The following URB1 variants were observed in gnomAD, a reference collection of about 807,000 sequenced individuals.
The protein encoded by URB1 is nucleolar pre-ribosomal-associated protein 1.
Under a neutral mutation model 242.3 loss-of-function variants are expected in URB1, and 197 were observed. The ratio of observed to expected loss-of-function variants is 0.81; its 90% CI spans 0.72 to 0.91. The LOEUF (loss-of-function observed/expected upper bound fraction) is 0.91, where lower values mean the gene tolerates loss of function less well. Ranked by LOEUF, URB1 falls within the 40% of genes least tolerant of loss-of-function variation. The pLI is 0.00. For missense variants in URB1, 2,721 were observed against 2,860.5 expected (o/e 0.95, Z 1.11); for synonymous variants, 1,153 against 1,201.8 (o/e 0.96, Z 0.84).
At chr21:32,364,636 C>T (rs2033325394) in intron 10 of URB1, among the ~76,000 whole-genome samples, 1 of 152,254 alleles carries the variant, frequency 6.6e-6, no homozygotes, top group African/African-American at 2.4e-5. Context: ...GTGCACACCA[C>T]ACCCAAGGGG....
chr21:32,356,244 C>T (rs1040696032), intron 15 of URB1, among the ~76,000 whole-genome samples: 5 of 152,026 alleles, frequency 3.3e-5, no homozygotes, highest in African/African-American at 1.2e-4. Context: ...AAAAAGTAGC[C>T]GGGTTAGTGG....
rs1311045074 is a variant in URB1, at chr21:32,341,359, G to A, written c.4316+107C>T. 3 of 1,116,338 alleles carry A rather than the reference G, an allele frequency of 2.7e-6. No homozygotes were observed. In the African/African-American group the frequency reaches 4.7e-5, roughly 18 times the overall value. 69.2% of individuals were successfully genotyped at this position (1,116,338 alleles called of 1,614,324 possible). On this transcript the variant is annotated intron_variant, in intron 25 of 38. Transcript: ENST00000382751. ...TATCTCTAAAAACGAGGTGACATCG[G>A]CTCCACCACGTGGATTATGCTAATA... is the stretch of plus-strand genomic sequence containing the variant.
Position 32,344,605 on chromosome 21 carries a change from C to A in URB1, c.4222G>T (p.Glu1408Ter). The A allele has an allele frequency of 6.4e-7, 1 of 1,552,340 alleles. No homozygotes were observed. Among genetic ancestry groups the A allele is most frequent in the Non-Finnish European group, 8.7e-7 (1 of 1,147,152 alleles). Residue 1408 changes from glutamate (E) to a stop codon, truncating the protein, a stop_gained, in exon 24 of 39, where the codon GAG becomes TAG. Transcript: ENST00000382751. LOFTEE classifies it high-confidence loss of function. Reference sequence around the variant, plus strand: ...TTTAATCTAAGCAGCATTTCCTTCTCCTGATTCTGAGTATTATCATCATCT... The same window carrying A: ...TTTAATCTAAGCAGCATTTCCTTCTACTGATTCTGAGTATTATCATCATCT... ...QQDDDNTQNQ[E>*]KEMLLRLNAL...
At chr21:32,375,319 C>G in intron 6 of URB1, 79 bp downstream of exon 6, 1 of 886,610 alleles carries the variant, frequency 1.1e-6, no homozygotes, top group East Asian at 2.9e-5. Flanking sequence ...TGTAGCTCTA[C>G]AGTCCTGTAA....
intron 18 of URB1, among the ~76,000 whole-genome samples, chr21:32,353,286 A>T (rs1355516109): frequency 2.6e-5 from 4 of 152,144 alleles, no homozygotes. Context: ...CCAGGCCATA[A>T]CACCCCTTGC....
chr21:32,392,996 A>G lies in URB1; in HGVS notation c.-86T>C. 1 of 1,396,900 alleles carries G rather than the reference A, an allele frequency of 7.2e-7. No individual in the cohort carries two copies. 86.5% of individuals were successfully genotyped at this position (1,396,900 alleles called of 1,614,324 possible). On this transcript the variant is annotated 5_prime_UTR_variant, in exon 1 of 39. It removes the in-frame stop codon of an upstream open reading frame in the 5' UTR. Coordinates refer to ENST00000382751, the MANE Select transcript of URB1 (RefSeq NM_014825.3). The stretch of plus-strand genomic sequence containing the variant: ...GGCACAGACAGCAGACACGCGCTTC[A>G]GGCCCACATGGCGCAGGAAGAGGCG...
intron 30 of URB1, among the ~76,000 whole-genome samples, chr21:32,327,840 C>T (rs1431784517): frequency 6.6e-6 from 1 of 152,154 alleles, no homozygotes; most frequent in Non-Finnish European, 1.5e-5. Flanking sequence ...ACTATAAACC[C>T]TAAAGCAACC....
intron 22 of URB1, among the ~76,000 whole-genome samples, chr21:32,346,404 A>G (rs1343806505): frequency 2.0e-5 from 3 of 152,364 alleles, no homozygotes; most frequent in Admixed American, 6.5e-5. Context: ...TCTGTCATCA[A>G]TGATAGGAAG....
intron 26 of URB1, 79 bp from the exon 27 acceptor site, chr21:32,337,593 G>T: frequency 1.6e-6 from 2 of 1,224,284 alleles, no homozygotes; most frequent in African/African-American, 1.5e-5. Context: ...AGCCTTCCAG[G>T]CAACATTGAA....
At chr21:32,337,065 G>A (rs2032967682) in intron 28 of URB1, 29 bp downstream of exon 28, 1 of 1,548,688 alleles carries the variant, frequency 6.5e-7, no homozygotes, top group African/African-American at 1.4e-5. Context: ...TGACCTCAAG[G>A]CCTAGTCTAC....
At chr21:32,319,798 C>T (rs186343115) in intron 35 of URB1, among the ~76,000 whole-genome samples, 138 of 152,240 alleles carry the variant, frequency 9.1e-4, no homozygotes, top group African/African-American at 3.0e-3. Context: ...ATTTCTTCCC[C>T]CCACCCACTT....
intron 32 of URB1, 69 bp downstream of exon 32, chr21:32,324,422 A>G (rs1336754261): frequency 7.7e-6 from 10 of 1,294,782 alleles, no homozygotes; most frequent in Non-Finnish European, 1.1e-6. Context: ...TGTGGGACTA[A>G]TCCCTAGAAG....
At chr21:32,377,160 A>G in intron 5 of URB1, 1 of 516,284 alleles carries the variant, frequency 1.9e-6, no homozygotes, top group South Asian at 1.4e-5. Context: ...AAGTATCTTA[A>G]AAGTTTTTTT....
rs560242954 is a variant in URB1 at position 32,352,720 on chromosome 21, C to T, written c.2603G>A (p.Arg868Gln). 2.7e-4 allele frequency: 417 copies of T among 1,551,312 alleles called. 3 individuals are homozygous for T. The Middle Eastern group carries it at 2.7e-3, about 10-fold the overall frequency. The change falls in exon 19 of 39, where the codon CGA (arginine) becomes CAA (glutamine). Residue 868 changes from arginine to glutamine, a missense_variant. Coordinates refer to ENST00000382751, the MANE Select transcript of URB1 (RefSeq NM_014825.3). ...YYSLWIPEQAREAWLLQAQGS... is the reference protein window; with the variant it reads ...YYSLWIPEQAQEAWLLQAQGS... ...GTGGCTGCAGCTCACCCAGGCCTCT[C>T]GGGCTTGCTCCGGGATCCAGAGGCT...
At chr21:32,344,870 A>C in intron 23 of URB1, 114 bp from the exon 24 acceptor site, 1 of 1,205,448 alleles carries the variant, frequency 8.3e-7, no homozygotes, top group East Asian at 2.6e-5. Flanking sequence ...CCTGCTCCCC[A>C]CACTACCCAC....
rs1387271521 is a variant in URB1, at chr21:32,312,326, C to A, written c.*2592G>T. 1.6e-6 allele frequency: 2 copies of A among 1,264,336 alleles called. No homozygotes were observed. The highest frequency in any genetic ancestry group is 6.7e-5 in the Admixed American group (2 of 29,842). 78.3% of individuals were successfully genotyped at this position (1,264,336 alleles called of 1,614,324 possible). ...TACTAATCTTTACTATGCCACTTTA[C>A]CATTACTGTGTAATGCGTTATCAGC... On this transcript the variant is annotated 3_prime_UTR_variant, in exon 39 of 39. Transcript: ENST00000382751.
At chr21:32,390,192 T>C (rs1008597677) in intron 1 of URB1, among the ~76,000 whole-genome samples, 2 of 152,186 alleles carry the variant, frequency 1.3e-5, no homozygotes, top group South Asian at 2.1e-4. Flanking sequence ...TCAACCTGGG[T>C]CTCCTTCTGA....
chr21:32,359,105 C>T (rs766646705), intron 14 of URB1, among the ~76,000 whole-genome samples: 5 of 152,154 alleles, frequency 3.3e-5, no homozygotes, highest in Non-Finnish European at 7.3e-5. Context: ...GTAGAAATGC[C>T]AACATACATT....
rs1416464191 is a variant in URB1, at chr21:32,320,486, T to C, written c.5594+45A>G. 3 of 1,407,320 alleles carry C rather than the reference T, an allele frequency of 2.1e-6. No homozygotes were observed. In the South Asian group the frequency reaches 3.8e-5, roughly 18 times the overall value. The allele number at this position is 1,407,320 out of a possible 1,614,324, so 87.2% of individuals were successfully genotyped here. A position where few individuals can be genotyped will look rare whatever the true frequency, so the allele number is the denominator to read the frequency against. ...CAGCAGACGTCATCGTTTCTGTTCC[T>C]TTCCTTCCCACCTGACGCGCACCTC... is the stretch of plus-strand genomic sequence containing the variant. On this transcript the variant is annotated intron_variant, in intron 35 of 38. Coordinates refer to ENST00000382751, the MANE Select transcript of URB1 (RefSeq NM_014825.3).
Sources: allele counts gnomAD v4.1 joint callset (sites outside exome capture counted in the v4.1 genomes callset), GRCh38; gene constraint gnomAD v4.1.1; transcripts MANE v1.5; gene names NCBI Gene and HGNC (gene_info 2026-07-23, HGNC 2026-07-21).